LRP1B: variants seen among roughly 807,000 people sequenced by gnomAD.
LRP1B encodes the protein low-density lipoprotein receptor-related protein 1B.
In LRP1B, 217 loss-of-function variants were observed where a neutral mutation model predicts 556.6. The observed-to-expected ratio is 0.39, with a 90% CI of 0.35 to 0.44. The LOEUF is 0.44. Ranked by LOEUF, LRP1B falls within the 20% of genes least tolerant of loss-of-function variation. The pLI is 1.00. For missense variants in LRP1B, 5,053 were observed against 5,620.8 expected, an observed-to-expected ratio of 0.90 and a Z score of 3.23; for synonymous variants, 2,047 against 1,865.8, an observed-to-expected ratio of 1.10 and a Z score of -2.50.
At chr2:140,546,941 T>C (rs1680364847) in intron 43 of LRP1B, among the ~76,000 whole-genome samples, 1 of 152,188 alleles carries the variant, frequency 6.6e-6, no homozygotes, top group Admixed American at 6.6e-5. Context: ...GTTCTGTGTA[T>C]GTGATGAATC....
chr2:141,993,455 C>G (rs190242330), intron 1 of LRP1B, among the ~76,000 whole-genome samples: 35 of 152,120 alleles, frequency 2.3e-4, no homozygotes, highest in Non-Finnish European at 4.3e-4. Context: ...TTCCAATCTT[C>G]TAGCATCGGC....
At chr2:141,368,544 A>G (rs1406229083) in intron 3 of LRP1B, among the ~76,000 whole-genome samples, 1 of 152,208 alleles carries the variant, frequency 6.6e-6, no homozygotes, top group Non-Finnish European at 1.5e-5. Flanking sequence ...TGTATAATAT[A>G]GTATTCTGAA....
chr2:140,536,343 G>T (rs6722976), intron 46 of LRP1B, among the ~76,000 whole-genome samples: 61,171 of 98,404 alleles, frequency 0.62, 16,212 homozygotes, highest in East Asian at 0.68. Flanking sequence ...AAAAAAAAAA[G>T]GCTATTTTGT....
intron 2 of LRP1B, among the ~76,000 whole-genome samples, chr2:141,595,973 A>T (rs1388530454): frequency 6.6e-6 from 1 of 152,058 alleles, no homozygotes; most frequent in African/African-American, 2.4e-5. Context: ...ATTATGGAGG[A>T]TCTATAGTTA....
chr2:141,397,450 A>T (rs528305458), intron 3 of LRP1B, among the ~76,000 whole-genome samples: 2 of 152,020 alleles, frequency 1.3e-5, no homozygotes, highest in East Asian at 1.9e-4. Flanking sequence ...TTCTAGTAGG[A>T]TATGAAAAAA....
intron 7 of LRP1B, among the ~76,000 whole-genome samples, chr2:141,101,151 C>A (rs1316455755): frequency 6.6e-6 from 1 of 152,062 alleles, no homozygotes; most frequent in Non-Finnish European, 1.5e-5. Context: ...AAATAAAGCA[C>A]CTTTGCAGAG....
At chr2:141,191,671 A>G (rs1452803133) in intron 6 of LRP1B, among the ~76,000 whole-genome samples, 1 of 97,656 alleles carries the variant, frequency 1.0e-5, no homozygotes, top group Non-Finnish European at 2.2e-5. Context: ...TTTCCCAAAC[A>G]AAAATAAGCT....
intron 5 of LRP1B, among the ~76,000 whole-genome samples, chr2:141,245,764 A>C (rs890243303): frequency 5.3e-5 from 8 of 152,186 alleles, no homozygotes; most frequent in Non-Finnish European, 7.4e-5. Context: ...TACAGGGTTT[A>C]TTTGCAGGTT....
chr2:140,716,856 CTG>C (rs1687230204), intron 35 of LRP1B, 40 bp from the exon 36 acceptor site: 1 of 1,250,032 alleles, frequency 8.0e-7, no homozygotes, highest in Non-Finnish European at 1.1e-6. Context: ...TATACACACA[CTG>C]TAAAAGGTAT....
At chr2:141,045,839 C>A (rs920272660) in intron 11 of LRP1B, among the ~76,000 whole-genome samples, 16 of 151,986 alleles carry the variant, frequency 1.1e-4, no homozygotes, top group Non-Finnish European at 5.9e-5. Context: ...AAAATTTTGA[C>A]AAAGATTCCA....
intron 2 of LRP1B, among the ~76,000 whole-genome samples, chr2:141,750,631 A>G (rs1352652187): frequency 6.6e-6 from 1 of 152,170 alleles, no homozygotes; most frequent in Non-Finnish European, 1.5e-5. Flanking sequence ...CTCTTCTTCT[A>G]TTTGATTATA....
At chr2:141,491,945 C>T (rs1683348884) in intron 2 of LRP1B, among the ~76,000 whole-genome samples, 1 of 151,610 alleles carries the variant, frequency 6.6e-6, no homozygotes, top group South Asian at 2.1e-4. Flanking sequence ...GCTTAAAAAC[C>T]AAAGGCATGC....
chr2:140,426,174 C>A (rs1558873670), intron 66 of LRP1B, among the ~76,000 whole-genome samples: 1 of 152,128 alleles, frequency 6.6e-6, no homozygotes, highest in Non-Finnish European at 1.5e-5. Flanking sequence ...TGACATTCAA[C>A]CTTGTGTGTA....
intron 7 of LRP1B, among the ~76,000 whole-genome samples, chr2:141,145,737 T>C (rs1239515916): frequency 1.3e-5 from 2 of 151,804 alleles, no homozygotes; most frequent in African/African-American, 4.8e-5. Context: ...TTCATCGTGT[T>C]GGTCAGGCTG....
chr2:141,283,756 C>T (rs773415071), intron 3 of LRP1B, among the ~76,000 whole-genome samples: 3 of 150,026 alleles, frequency 2.0e-5, no homozygotes, highest in African/African-American at 4.9e-5. Context: ...CCACCACATC[C>T]GGCTAATTTT....
intron 50 of LRP1B, among the ~76,000 whole-genome samples, chr2:140,515,350 C>A (rs1198310376): frequency 6.6e-6 from 1 of 151,810 alleles, no homozygotes; most frequent in Non-Finnish European, 1.5e-5. Flanking sequence ...CTAATAACAC[C>A]TAAATTAATT....
rs575042911 is a variant in LRP1B at position 141,480,479 on chromosome 2, G to A, written c.260C>T (p.Thr87Ile). 1 of 1,613,920 alleles carries A rather than the reference G, an allele frequency of 6.2e-7. No homozygotes were observed. The highest frequency in any genetic ancestry group is 8.5e-7 in the Non-Finnish European group (1 of 1,179,916). The change falls in exon 3 of 91, where the codon ACC becomes ATC. Residue 87 changes from threonine to isoleucine, a missense_variant. Thr to Ile is a moderately conservative substitution (Grantham distance 89, BLOSUM62 -1). This residue lies in a region of LRP1B where 3,619 missense variants were observed against 3,931.9 expected (regional missense o/e 0.92). Coordinates refer to ENST00000389484, the MANE Select transcript of LRP1B (RefSeq NM_018557.3). ...CPLNHIACLG[T>I]NKCVHLSQLC... is the part of the protein sequence containing the mutation. ...CTGGGATAAATGAACACATTTGTTG[G>A]TACCAAGGCAAGCAATGTGATTCAA...
At chr2:140,825,996 C>A (rs1405808095) in intron 31 of LRP1B, among the ~76,000 whole-genome samples, 2 of 152,112 alleles carry the variant, frequency 1.3e-5, no homozygotes, top group Admixed American at 6.5e-5. Context: ...AGATTATACT[C>A]AAAAATCTGG....
intron 10 of LRP1B, among the ~76,000 whole-genome samples, chr2:141,051,329 T>C (rs1038940668): frequency 5.9e-5 from 9 of 152,110 alleles, no homozygotes; most frequent in African/African-American, 2.2e-4. Flanking sequence ...CATGCACATG[T>C]ATGCTTACTG....
Sources: allele counts gnomAD v4.1 joint callset (sites outside exome capture counted in the v4.1 genomes callset), GRCh38; gene constraint gnomAD v4.1.1; regional missense constraint gnomAD v4.1.1; transcripts MANE v1.5; gene names NCBI Gene and HGNC (gene_info 2026-07-23, HGNC 2026-07-21).